Variants in CD37 observed in about 807,000 individuals in gnomAD.
CD37 encodes the protein leukocyte antigen CD37.
A neutral mutation model predicts 38.9 loss-of-function variants in CD37; 37 were observed. That is an observed-to-expected ratio of 0.95 (90% CI 0.73 to 1.25). The LOEUF is 1.25. CD37 is among the 50% of genes most tolerant of loss of function. CD37 has a pLI of 0.00. For synonymous variants in CD37, 146 were observed against 150.1 expected (o/e 0.97, Z 0.20); for missense variants, 351 against 360.1 (o/e 0.97, Z 0.20).
chr19:49,339,332 C>T lies in CD37; in HGVS notation c.687C>T (p.Gly229=), dbSNP rs752373080. Residue 229 remains glycine (G), a splice_region_variant and synonymous_variant, in exon 7 of 8, where the codon GGC becomes GGT. Coordinates refer to ENST00000323906, the MANE Select transcript of CD37 (RefSeq NM_001774.3). The surrounding 1 kb of genome is among the most constrained non-coding windows in gnomAD (Gnocchi z 4.5). The part of the protein sequence containing the change: ...VPAESHIYRE[G]CAQGLQKWLH... ...TAACTTTTCCCTACACCCCCCAGGG[C>T]TGCGCGCAGGGCCTCCAGAAGTGGC... 2.5e-6 allele frequency: 4 copies of T among 1,613,796 alleles called. No homozygotes were observed. The highest frequency in any genetic ancestry group is 1.7e-5 in the Admixed American group (1 of 60,008).
Position 49,339,426 on chromosome 19 carries a change from C to T in CD37, c.768+13C>T. 3 of 1,609,780 alleles carry T rather than the reference C, an allele frequency of 1.9e-6. No individual in the cohort carries two copies. Among genetic ancestry groups the T allele is most frequent in the Non-Finnish European group, 2.5e-6 (3 of 1,176,744 alleles). ...CGGCCTACTCGAGGTGATCTGGCCCCGCCCCCACCCGCGATCGGCCCTAAA... is the reference window on the plus strand; with the variant it reads ...CGGCCTACTCGAGGTGATCTGGCCCTGCCCCCACCCGCGATCGGCCCTAAA... On this transcript the variant is annotated intron_variant, in intron 7 of 7. Coordinates refer to ENST00000323906, the MANE Select transcript of CD37 (RefSeq NM_001774.3). The surrounding 1 kb of genome is among the most constrained non-coding windows in gnomAD (Gnocchi z 4.5).
Position 49,338,950 on chromosome 19 carries a change from C to A in CD37, c.684+14C>A. On this transcript the variant is annotated intron_variant, in intron 6 of 7. Coordinates refer to ENST00000323906, the MANE Select transcript of CD37 (RefSeq NM_001774.3). This position sits in a 1 kb window ranked among gnomAD's most constrained non-coding sequence, Gnocchi z 5.0. ...ATCTACCGCGAGGTGGGCAGGGGTT[C>A]GGAGCATAAACCTGTCGAATGGGGC... 6.3e-7 allele frequency: 1 copy of A among 1,599,494 alleles called. No individual in the cohort carries two copies. Among genetic ancestry groups the A allele is most frequent in the East Asian group, 2.2e-5 (1 of 44,662 alleles).
chr19:49,340,436 T>C lies in CD37; in HGVS notation c.*108T>C, dbSNP rs1489198186. On this transcript the variant is annotated 3_prime_UTR_variant, in exon 8 of 8. Transcript: ENST00000323906. ...CCCAGTTCGCCTGGAGCCCTCCGCCTTCACATTCCCCTGGGGACCCACGTG... is the reference window on the plus strand; with the variant it reads ...CCCAGTTCGCCTGGAGCCCTCCGCCCTCACATTCCCCTGGGGACCCACGTG... 1.2e-6 allele frequency: 1 copy of C among 813,368 alleles called. No homozygotes were observed. The highest frequency in any genetic ancestry group is 2.1e-6 in the Non-Finnish European group (1 of 479,880). 50.4% of individuals were successfully genotyped at this position (813,368 alleles called of 1,614,324 possible).
Position 49,338,640 on chromosome 19 carries a change from C to G in CD37, c.448-60C>G, listed in dbSNP as rs906501042. On this transcript the variant is annotated intron_variant, in intron 5 of 7. Transcript: ENST00000323906. This position sits in a 1 kb window ranked among gnomAD's most constrained non-coding sequence, Gnocchi z 5.0. ...GACCTCATACCCATCACCTTGTCCC[C>G]TGATCCCCAACATCATATGTCTCCA... The G allele has an allele frequency of 3.1e-6, 4 of 1,293,456 alleles. No homozygotes were observed. Among genetic ancestry groups the G allele is most frequent in the Admixed American group, 1.7e-5 (1 of 59,158 alleles). The allele number at this position is 1,293,456 out of a possible 1,614,324, so 80.1% of individuals were successfully genotyped here.
rs780876969 is a variant in CD37 at position 49,338,709 on chromosome 19, T to TGCGGCTGGCACTACC, written c.458_472dup (p.Tyr157_Pro158insArgGlyTrpHisTyr). The TGCGGCTGGCACTACC allele has an allele frequency of 6.2e-7, 1 of 1,610,980 alleles. No homozygotes were observed. ...CGTATCCCTCTCCCAGCTGCGCTGCTGCGGCTGGCACTACCCGCAGGACTG... is the reference window on the plus strand; with the variant it reads ...CGTATCCCTCTCCCAGCTGCGCTGCTGCGGCTGGCACTACCGCGGCTGGCACTACCCGCAGGACTG... On this transcript the variant is annotated inframe_insertion, in exon 6 of 8. Transcript: ENST00000323906. This position sits in a 1 kb window ranked among gnomAD's most constrained non-coding sequence, Gnocchi z 5.0.
intron 7 of CD37, 74 bp from the exon 8 acceptor site, chr19:49,340,177 T>C (rs1196485536): frequency 7.1e-7 from 1 of 1,412,966 alleles, no homozygotes; most frequent in African/African-American, 1.4e-5. Context: ...CTGACCTTTC[T>C]CGCCCGGGTG....
chr19:49,339,487 C>A lies in CD37; in HGVS notation c.768+74C>A. On this transcript the variant is annotated intron_variant, in intron 7 of 7. Transcript: ENST00000323906. The surrounding 1 kb of genome is among the most constrained non-coding windows in gnomAD (Gnocchi z 4.5). Reference sequence around the variant, plus strand: ...GCCCTGCCCTTCATTTCGCGTCCTTCGGTTGCCTGGGAAGGACGAGCTCAG... The same window carrying A: ...GCCCTGCCCTTCATTTCGCGTCCTTAGGTTGCCTGGGAAGGACGAGCTCAG... 1.3e-6 allele frequency: 2 copies of A among 1,551,424 alleles called. No individual in the cohort carries two copies. The highest frequency in any genetic ancestry group is 2.2e-5 in the South Asian group (2 of 89,456).
At position 49,338,362 on chromosome 19, in the gene CD37, C is replaced by T. The variant is rs1239422697; in HGVS notation, c.447+333C>T. Among the ~76,000 whole-genome samples, 1 of 151,690 alleles carries T rather than the reference C, an allele frequency of 6.6e-6. No individual in the cohort carries two copies. The highest frequency in any genetic ancestry group is 1.5e-5 in the Non-Finnish European group (1 of 67,894). On this transcript the variant is annotated intron_variant, in intron 5 of 7. Coordinates refer to ENST00000323906, the MANE Select transcript of CD37 (RefSeq NM_001774.3). This position sits in a 1 kb window ranked among gnomAD's most constrained non-coding sequence, Gnocchi z 5.0. ...GTAGTGACTCTGGCTTCCACCGGAC[C>T]CCGCCCCCGATGAGACTCACATGGT... is the stretch of plus-strand genomic sequence containing the variant.
In CD37 at chr19:49,340,353, C is replaced by A; in HGVS notation, c.*25C>A. The stretch of plus-strand genomic sequence containing the variant: ...GGCCCCGCCCTCCCCAAAGTCCCGC[C>A]CCGCCCCCGTCACGTGCGCTGGGCA... On this transcript the variant is annotated 3_prime_UTR_variant, in exon 8 of 8. Coordinates refer to ENST00000323906, the MANE Select transcript of CD37 (RefSeq NM_001774.3). 6.6e-7 allele frequency: 1 copy of A among 1,507,904 alleles called. No homozygotes were observed. The allele number at this position is 1,507,904 out of a possible 1,614,324, so 93.4% of individuals were successfully genotyped here.
At position 49,339,790 on chromosome 19, in the gene CD37, G is replaced by A. The variant is rs1455746991; in HGVS notation, c.768+377G>A. 4.4e-6 allele frequency: 6 copies of A among 1,359,326 alleles called. No homozygotes were observed. Among genetic ancestry groups the A allele is most frequent in the Non-Finnish European group, 2.8e-6 (3 of 1,056,058 alleles). The allele number at this position is 1,359,326 out of a possible 1,614,324, so 84.2% of individuals were successfully genotyped here. A position where few individuals can be genotyped will look rare whatever the true frequency, so the allele number is the denominator to read the frequency against. On this transcript the variant is annotated intron_variant, in intron 7 of 7. Coordinates refer to ENST00000323906, the MANE Select transcript of CD37 (RefSeq NM_001774.3). This position sits in a 1 kb window ranked among gnomAD's most constrained non-coding sequence, Gnocchi z 4.5. ...CGCTGACGGCGGCGGCGGGCACAGC[G>A]GCAGTCTGTGGGGTGGCTGGGGCAT...
In CD37 at chr19:49,340,456, C is replaced by T. The variant is rs541491245; in HGVS notation, c.*128C>T. ...CCGCCTTCACATTCCCCTGGGGACC[C>T]ACGTGGCTGCGTGCCCCTGCTGCTG... On this transcript the variant is annotated 3_prime_UTR_variant, in exon 8 of 8. Coordinates refer to ENST00000323906, the MANE Select transcript of CD37 (RefSeq NM_001774.3). 1.4e-6 allele frequency: 1 copy of T among 727,418 alleles called. No individual in the cohort carries two copies. The highest frequency in any genetic ancestry group is 2.0e-5 in the Admixed American group (1 of 49,686). 45.1% of individuals were successfully genotyped at this position (727,418 alleles called of 1,614,324 possible). A position where few individuals can be genotyped will look rare whatever the true frequency, so the allele number is the denominator to read the frequency against.
Position 49,335,941 on chromosome 19 carries a change from T to G in CD37, c.142+155T>G. Reference sequence around the variant, plus strand: ...CGGAGGCTTCTTGGAGCCTGAGTCTTCTTCCGGCAAATGGGGTTGTGCATA... The same window carrying G: ...CGGAGGCTTCTTGGAGCCTGAGTCTGCTTCCGGCAAATGGGGTTGTGCATA... On this transcript the variant is annotated intron_variant, in intron 2 of 7. Coordinates refer to ENST00000323906, the MANE Select transcript of CD37 (RefSeq NM_001774.3). The surrounding 1 kb of genome is among the most constrained non-coding windows in gnomAD (Gnocchi z 4.6). The G allele has an allele frequency of 3.0e-6, 2 of 672,670 alleles. No individual in the cohort carries two copies. Among genetic ancestry groups the G allele is most frequent in the Non-Finnish European group, 2.6e-6 (1 of 379,188 alleles). The allele number at this position is 672,670 out of a possible 1,614,324, so 41.7% of individuals were successfully genotyped here.
In CD37 at chr19:49,339,020, G is replaced by GA. The variant is rs1971077100; in HGVS notation, c.684+87dup. 2 of 1,114,678 alleles carry GA rather than the reference G, an allele frequency of 1.8e-6. No individual in the cohort carries two copies. Among genetic ancestry groups the GA allele is most frequent in the South Asian group, 2.7e-5 (2 of 73,962 alleles). The allele number at this position is 1,114,678 out of a possible 1,614,324, so 69.0% of individuals were successfully genotyped here. A position where few individuals can be genotyped will look rare whatever the true frequency, so the allele number is the denominator to read the frequency against. ...GGGCTGTCAGTGAGTAGCGGCCTGA[G>GA]AAAGGGCGGGGTCTACGAGAAAAGG... On this transcript the variant is annotated intron_variant, in intron 6 of 7. Coordinates refer to ENST00000323906, the MANE Select transcript of CD37 (RefSeq NM_001774.3). This position sits in a 1 kb window ranked among gnomAD's most constrained non-coding sequence, Gnocchi z 4.5.
Position 49,339,368 on chromosome 19 carries a change from C to T in CD37, c.723C>T (p.Asn241=). The T allele has an allele frequency of 6.2e-7, 1 of 1,614,076 alleles. No individual in the cohort carries two copies. The highest frequency in any genetic ancestry group is 8.5e-7 in the Non-Finnish European group (1 of 1,179,948). The part of the protein sequence containing the change: ...AQGLQKWLHN[N]LISIVGICLG... The stretch of plus-strand genomic sequence containing the variant: ...GCCTCCAGAAGTGGCTGCACAACAA[C>T]CTTATTTCCATAGTGGGCATTTGCC... Residue 241 remains asparagine, a synonymous_variant, in exon 7 of 8, where the codon AAC becomes AAT. Coordinates refer to ENST00000323906, the MANE Select transcript of CD37 (RefSeq NM_001774.3). The surrounding 1 kb of genome is among the most constrained non-coding windows in gnomAD (Gnocchi z 4.5).
chr19:49,335,486 C>A lies in CD37; in HGVS notation c.-55C>A, dbSNP rs1600667410. 4.1e-6 allele frequency: 5 copies of A among 1,219,422 alleles called. No homozygotes were observed. Among genetic ancestry groups the A allele is most frequent in the Non-Finnish European group, 1.2e-6 (1 of 821,934 alleles). The allele number at this position is 1,219,422 out of a possible 1,614,324, so 75.5% of individuals were successfully genotyped here. A position where few individuals can be genotyped will look rare whatever the true frequency, so the allele number is the denominator to read the frequency against. Reference sequence around the variant, plus strand: ...CCTCTTTCTTTCTCCCTGTCTCCCCCACTGTCAGCACCTCTTCTGTGTGGT... The same window carrying A: ...CCTCTTTCTTTCTCCCTGTCTCCCCAACTGTCAGCACCTCTTCTGTGTGGT... On this transcript the variant is annotated 5_prime_UTR_variant, in exon 1 of 8. Coordinates refer to ENST00000323906, the MANE Select transcript of CD37 (RefSeq NM_001774.3). The surrounding 1 kb of genome is among the most constrained non-coding windows in gnomAD (Gnocchi z 4.6).
chr19:49,339,493 C>A lies in CD37; in HGVS notation c.768+80C>A. The A allele has an allele frequency of 6.5e-7, 1 of 1,543,946 alleles. No individual in the cohort carries two copies. The highest frequency in any genetic ancestry group is 8.9e-7 in the Non-Finnish European group (1 of 1,128,782). On this transcript the variant is annotated intron_variant, in intron 7 of 7. Coordinates refer to ENST00000323906, the MANE Select transcript of CD37 (RefSeq NM_001774.3). The surrounding 1 kb of genome is among the most constrained non-coding windows in gnomAD (Gnocchi z 4.5). ...CCCTTCATTTCGCGTCCTTCGGTTG[C>A]CTGGGAAGGACGAGCTCAGGGCGGA...
rs1970934131 is a variant in CD37, at chr19:49,335,852, G to C, written c.142+66G>C. 1 of 1,291,282 alleles carries C rather than the reference G, an allele frequency of 7.7e-7. No homozygotes were observed. Among genetic ancestry groups the C allele is most frequent in the Non-Finnish European group, 1.1e-6 (1 of 891,606 alleles). 80.0% of individuals were successfully genotyped at this position (1,291,282 alleles called of 1,614,324 possible). A position where few individuals can be genotyped will look rare whatever the true frequency, so the allele number is the denominator to read the frequency against. On this transcript the variant is annotated intron_variant, in intron 2 of 7. Coordinates refer to ENST00000323906, the MANE Select transcript of CD37 (RefSeq NM_001774.3). This position sits in a 1 kb window ranked among gnomAD's most constrained non-coding sequence, Gnocchi z 4.6. The stretch of plus-strand genomic sequence containing the variant: ...CAAGCAACTTCCTGGGGTCTCCCTT[G>C]TCTCAGGGAGACCTACGGTGCCCTA...
In CD37 at chr19:49,338,074, G is replaced by A; in HGVS notation, c.447+45G>A. On this transcript the variant is annotated intron_variant, in intron 5 of 7. Transcript: ENST00000323906. This position sits in a 1 kb window ranked among gnomAD's most constrained non-coding sequence, Gnocchi z 5.0. ...TTCCCTCCCGGACTGACCCGCCTCA[G>A]CCCTGTGCTTGGAGGAGACTCCACC... 6.2e-7 allele frequency: 1 copy of A among 1,602,094 alleles called. No homozygotes were observed. Among genetic ancestry groups the A allele is most frequent in the Non-Finnish European group, 8.5e-7 (1 of 1,174,184 alleles).
chr19:49,339,921 T>C lies in CD37; in HGVS notation c.769-330T>C, dbSNP rs909489371. On this transcript the variant is annotated intron_variant, in intron 7 of 7. Coordinates refer to ENST00000323906, the MANE Select transcript of CD37 (RefSeq NM_001774.3). This position sits in a 1 kb window ranked among gnomAD's most constrained non-coding sequence, Gnocchi z 4.5. ...TTCAAGACGAGGACCAGCCTGACAC[T>C]GGAAGTGCGGGCGCAGAATTAGAGG... 1.1e-5 allele frequency: 15 copies of C among 1,363,436 alleles called. No individual in the cohort carries two copies. The South Asian group carries it at 2.3e-4, about 21-fold the overall frequency. The allele number at this position is 1,363,436 out of a possible 1,614,324, so 84.5% of individuals were successfully genotyped here. A position where few individuals can be genotyped will look rare whatever the true frequency, so the allele number is the denominator to read the frequency against.
Sources: allele counts gnomAD v4.1 joint callset (sites outside exome capture counted in the v4.1 genomes callset), GRCh38; gene constraint gnomAD v4.1.1; non-coding constraint Gnocchi (gnomAD v3.1); transcripts MANE v1.5; gene names NCBI Gene and HGNC (gene_info 2026-07-23, HGNC 2026-07-21).